The following STK39 variants were observed in gnomAD, a reference collection of about 807,000 sequenced individuals.
STK39 encodes the protein serine/threonine kinase 39, also known as STE20/SPS1-related proline-alanine-rich protein kinase.
Under a neutral mutation model 77.8 loss-of-function variants are expected in STK39, and 20 were observed. The ratio of observed to expected loss-of-function variants is 0.26; its 90% CI spans 0.18 to 0.37. STK39 has a LOEUF of 0.37. Among genes scored for constraint, STK39 ranks in the 10% least tolerant of loss-of-function variants. The pLI is 1.00. For missense variants in STK39, 479 were observed against 656.5 expected, an observed-to-expected ratio of 0.73 and a Z score of 2.95; for synonymous variants, 246 against 234.1, an observed-to-expected ratio of 1.05 and a Z score of -0.47.
In STK39 at chr2:168,017,038, C is replaced by T. The variant is rs776359375; in HGVS notation, c.1429+5G>A. 7 of 1,599,394 alleles carry T rather than the reference C, an allele frequency of 4.4e-6. No homozygotes were observed. In the Admixed American group the frequency reaches 6.9e-5, roughly 16 times the overall value. On this transcript the variant is annotated splice_donor_5th_base_variant and intron_variant, in intron 15 of 17. Transcript: ENST00000355999. ...AATAAAATAATAACTTCAATTAAAA[C>T]TTACCTCTTCCTGGAGTAAACTCAA... is the stretch of plus-strand genomic sequence containing the variant.
intron 16 of STK39, among the ~76,000 whole-genome samples, chr2:167,991,066 CA>C (rs1683688832): frequency 1.3e-5 from 2 of 152,192 alleles, no homozygotes; most frequent in South Asian, 4.1e-4. Context: ...GGCAAAGTAA[CA>C]AACACCCGAT....
At chr2:168,033,954 A>C (rs1684889973) in intron 14 of STK39, among the ~76,000 whole-genome samples, 1 of 152,206 alleles carries the variant, frequency 6.6e-6, no homozygotes, top group Admixed American at 6.5e-5. Context: ...AGTATTAGTG[A>C]AAAAACATCA....
chr2:168,237,814 G>C (rs910225392), intron 1 of STK39, among the ~76,000 whole-genome samples: 3 of 151,788 alleles, frequency 2.0e-5, no homozygotes, highest in Non-Finnish European at 4.4e-5. Flanking sequence ...CTATATTCTT[G>C]TACCACTTCT....
intron 2 of STK39, among the ~76,000 whole-genome samples, chr2:168,172,892 G>C (rs1022480158): frequency 6.6e-6 from 1 of 152,140 alleles, no homozygotes; most frequent in Non-Finnish European, 1.5e-5. Flanking sequence ...TAAAGCAATG[G>C]ATCGCAACCT....
At position 168,041,986 on chromosome 2, in the gene STK39, A is replaced by G. The variant is rs149726983; in HGVS notation, c.1376+21514T>C. Among the ~76,000 whole-genome samples the G allele has an allele frequency of 8.6e-3, 1,317 of 152,318 alleles. 17 individuals carry two copies. The highest frequency in any genetic ancestry group is 0.03 in the African/African-American group (1,258 of 41,570). On this transcript the variant is annotated intron_variant, in intron 14 of 17. Transcript: ENST00000355999. Reference sequence around the variant, plus strand: ...ATTCCACTTGAATTTGGTATCAAGCAAAAGCTTGCCTCGCTATATAATCTT... The same window carrying G: ...ATTCCACTTGAATTTGGTATCAAGCGAAAGCTTGCCTCGCTATATAATCTT...
chr2:168,203,514 C>A (rs1559144592), intron 1 of STK39, among the ~76,000 whole-genome samples: 1 of 151,994 alleles, frequency 6.6e-6, no homozygotes, highest in Non-Finnish European at 1.5e-5. Flanking sequence ...GCTCCACAGA[C>A]ACCCACTCCT....
Position 168,247,312 on chromosome 2 carries a change from C to CCGGGGT in STK39, c.123_124insACCCCG (p.Ala41_Ala42insThrPro). The stretch of plus-strand genomic sequence containing the variant: ...GCCGGGGCCGGGGCCGGGGCCGGGG[C>CCGGGGT]CGCGGGAGCTGCCGGGGCCGGCGCT... On this transcript the variant is annotated inframe_insertion, in exon 1 of 18. Coordinates refer to ENST00000355999, the MANE Select transcript of STK39 (RefSeq NM_013233.3). The CCGGGGT allele has an allele frequency of 9.6e-7, 1 of 1,039,078 alleles. No individual in the cohort carries two copies. Among genetic ancestry groups the CCGGGGT allele is most frequent in the Non-Finnish European group, 1.2e-6 (1 of 862,856 alleles). The allele number at this position is 1,039,078 out of a possible 1,614,324, so 64.4% of individuals were successfully genotyped here.
At chr2:167,964,591 C>A in intron 17 of STK39, 71 bp downstream of exon 17, 1 of 1,354,834 alleles carries the variant, frequency 7.4e-7, no homozygotes. Flanking sequence ...GGTTATTAAA[C>A]TAGATTATTA....
At chr2:168,172,209 G>C (rs146221963) in intron 2 of STK39, among the ~76,000 whole-genome samples, 1 of 152,098 alleles carries the variant, frequency 6.6e-6, no homozygotes, top group Non-Finnish European at 1.5e-5. Context: ...CAGTTTCTTC[G>C]TTGCGTGTGA....
chr2:167,964,304 T>C (rs1234648344), intron 17 of STK39: 1 of 186,470 alleles, frequency 5.4e-6, no homozygotes, highest in Non-Finnish European at 1.1e-5. Flanking sequence ...TTGGCTTTTG[T>C]CTTAGGAAAG....
At chr2:168,009,485 T>C (rs1037206364) in intron 16 of STK39, among the ~76,000 whole-genome samples, 1 of 152,202 alleles carries the variant, frequency 6.6e-6, no homozygotes, top group African/African-American at 2.4e-5. Flanking sequence ...GTATAAATTA[T>C]ATGCAAAGTG....
In STK39 at chr2:168,010,701, G is replaced by GA. The variant is rs1204141347; in HGVS notation, c.1498+1932dup. Among the ~76,000 whole-genome samples the GA allele has an allele frequency of 5.3e-5, 8 of 152,100 alleles. No individual in the cohort carries two copies. The South Asian group carries it at 6.2e-4, about 12-fold the overall frequency. On this transcript the variant is annotated intron_variant, in intron 16 of 17. Coordinates refer to ENST00000355999, the MANE Select transcript of STK39 (RefSeq NM_013233.3). ...TGTAGAGTTAATGTATAATCAGTAG[G>GA]AAAAAATCTGTTTTTTTCTAATTAT...
intron 5 of STK39, among the ~76,000 whole-genome samples, chr2:168,160,920 G>A (rs1027966030): frequency 2.0e-5 from 3 of 150,950 alleles, no homozygotes; most frequent in African/African-American, 7.3e-5. Context: ...TCCACGATGA[G>A]GAGAGGCACC....
chr2:167,987,508 C>A (rs772793164), intron 16 of STK39, among the ~76,000 whole-genome samples: 6 of 152,100 alleles, frequency 3.9e-5, no homozygotes, highest in Non-Finnish European at 7.3e-5. Context: ...TATAATACTT[C>A]TCTTTCTCAC....
At chr2:168,202,247 C>T (rs1689629136) in intron 1 of STK39, among the ~76,000 whole-genome samples, 1 of 152,208 alleles carries the variant, frequency 6.6e-6, no homozygotes, top group Non-Finnish European at 1.5e-5. Flanking sequence ...AACTCTTCTG[C>T]ACAGTAACAT....
At chr2:167,957,507 C>T (rs890707512) in intron 17 of STK39, among the ~76,000 whole-genome samples, 12 of 152,288 alleles carry the variant, frequency 7.9e-5, no homozygotes, top group Middle Eastern at 3.4e-3. Flanking sequence ...TCTTTATCTA[C>T]CTTCCTAAAT....
At chr2:167,961,721 T>C (rs1438237479) in intron 17 of STK39, among the ~76,000 whole-genome samples, 2 of 152,206 alleles carry the variant, frequency 1.3e-5, no homozygotes, top group Non-Finnish European at 2.9e-5. Context: ...ATCCTACTTA[T>C]TATCTTCCCT....
chr2:168,109,632 A>G (rs1192421307), intron 10 of STK39, among the ~76,000 whole-genome samples: 1 of 152,218 alleles, frequency 6.6e-6, no homozygotes, highest in Non-Finnish European at 1.5e-5. Context: ...AAGGTGCCAC[A>G]TTCTTGTCCA....
intron 15 of STK39, 97 bp from the exon 16 acceptor site, chr2:168,012,799 G>A (rs750026404): frequency 9.1e-5 from 89 of 979,556 alleles, no homozygotes; most frequent in Non-Finnish European, 1.2e-4. Flanking sequence ...TACTAAAATC[G>A]CCCATGAGTT....
Sources: gnomAD v4.1 joint callset for allele counts (sites outside exome capture counted in the v4.1 genomes callset) on GRCh38, gnomAD v4.1.1 for gene constraint, MANE v1.5 for transcripts, NCBI Gene and HGNC (gene_info 2026-07-23, HGNC 2026-07-21) for gene names.